The following CLMN variants were observed in gnomAD, a reference collection of about 807,000 sequenced individuals.
The protein encoded by CLMN is calmin (calponin-like, transmembrane).
A neutral mutation model predicts 92.7 loss-of-function variants in CLMN; 57 were observed. The ratio of observed to expected loss-of-function variants is 0.61; its 90% CI spans 0.50 to 0.77. CLMN has a LOEUF of 0.77. Among genes scored for constraint, CLMN ranks in the 30% least tolerant of loss-of-function variants. The pLI, the probability that CLMN is intolerant of heterozygous loss-of-function variation, is 0.00. For missense variants in CLMN, 1,158 were observed against 1,237.5 expected, an observed-to-expected ratio of 0.94 and a Z score of 0.96; for synonymous variants, 466 against 470.6, an observed-to-expected ratio of 0.99 and a Z score of 0.13.
rs745797763 is a variant in CLMN at position 95,194,395 on chromosome 14, G to A, written c.2769+141C>T. The A allele has an allele frequency of 1.9e-4, 288 of 1,519,012 alleles. No individual in the cohort carries two copies. Among genetic ancestry groups the A allele is most frequent in the Non-Finnish European group, 2.4e-4 (275 of 1,131,790 alleles). The allele number at this position is 1,519,012 out of a possible 1,614,324, so 94.1% of individuals were successfully genotyped here. Reference sequence around the variant, plus strand: ...CGATCGGACTGTGCTTAATGATAAGGTTCCAATCTGCTTGTCTTCTATCCA... The same window carrying A: ...CGATCGGACTGTGCTTAATGATAAGATTCCAATCTGCTTGTCTTCTATCCA... On this transcript the variant is annotated intron_variant, in intron 11 of 12. Coordinates refer to ENST00000298912, the MANE Select transcript of CLMN (RefSeq NM_024734.4). The surrounding 1 kb of genome is among the most constrained non-coding windows in gnomAD (Gnocchi z 4.0).
chr14:95,295,913 C>G (rs1788266154), intron 1 of CLMN, among the ~76,000 whole-genome samples: 1 of 152,246 alleles, frequency 6.6e-6, no homozygotes, highest in South Asian at 2.1e-4. Context: ...CTTGGTTTCC[C>G]TTGTTGTAAC....
chr14:95,288,416 G>A (rs988069549), intron 1 of CLMN, among the ~76,000 whole-genome samples: 1 of 152,226 alleles, frequency 6.6e-6, no homozygotes, highest in African/African-American at 2.4e-5. Context: ...CAGTGCGCTA[G>A]GCAGAGGGAA....
At chr14:95,280,942 C>T (rs1900122854) in intron 1 of CLMN, among the ~76,000 whole-genome samples, 1 of 152,154 alleles carries the variant, frequency 6.6e-6, no homozygotes, top group African/African-American at 2.4e-5. Flanking sequence ...TTTTTGTCAT[C>T]CACAGACAAT....
intron 1 of CLMN, 77 bp from the exon 2 acceptor site, chr14:95,230,210 G>A: frequency 2.3e-6 from 3 of 1,306,742 alleles, no homozygotes; most frequent in Non-Finnish European, 3.3e-6. Context: ...CCCAAGGGGA[G>A]ATTCTAGGTG....
chr14:95,217,847 A>G (rs1011962354), intron 4 of CLMN, among the ~76,000 whole-genome samples: 1 of 152,130 alleles, frequency 6.6e-6, no homozygotes. Context: ...CCATCCCAAG[A>G]GGGGAAGGGC....
chr14:95,289,519 AAAC>A (rs1366577536), intron 1 of CLMN, among the ~76,000 whole-genome samples: 2 of 143,272 alleles, frequency 1.4e-5, no homozygotes, highest in South Asian at 2.2e-4. Flanking sequence ...ACAAACAAAC[AAAC>A]AAAAAAACCG....
At chr14:95,299,200 T>TC (rs1302966683) in intron 1 of CLMN, among the ~76,000 whole-genome samples, 3 of 151,642 alleles carry the variant, frequency 2.0e-5, no homozygotes, top group Non-Finnish European at 4.4e-5. Flanking sequence ...CTTGCTGTGC[T>TC]CCCCCCAACC....
chr14:95,206,398 T>C (rs1002715868), intron 8 of CLMN, among the ~76,000 whole-genome samples: 1 of 152,146 alleles, frequency 6.6e-6, no homozygotes, highest in Non-Finnish European at 1.5e-5. Context: ...AATACTAGAA[T>C]AGCATATTAA....
chr14:95,277,339 C>T (rs112401013), intron 1 of CLMN, among the ~76,000 whole-genome samples: 5 of 152,322 alleles, frequency 3.3e-5, no homozygotes, highest in African/African-American at 1.2e-4. Context: ...AACTTTGCTG[C>T]TGCAGGTCCC....
intron 1 of CLMN, among the ~76,000 whole-genome samples, chr14:95,286,923 C>T (rs1273169662): frequency 6.6e-6 from 1 of 152,192 alleles, no homozygotes; most frequent in African/African-American, 2.4e-5. Flanking sequence ...GACAGGCAGA[C>T]CCAGGCTGTG....
intron 1 of CLMN, among the ~76,000 whole-genome samples, chr14:95,301,743 G>C (rs919571037): frequency 4.4e-4 from 67 of 152,216 alleles, no homozygotes; most frequent in African/African-American, 1.5e-3. Context: ...CCACCTACTT[G>C]AGCCTCCACC....
At position 95,291,838 on chromosome 14, in the gene CLMN, C is replaced by T. The variant is rs563852279; in HGVS notation, c.82+27873G>A. Among the ~76,000 whole-genome samples the T allele has an allele frequency of 4.6e-5, 7 of 152,234 alleles. No individual in the cohort carries two copies. In the South Asian group the frequency reaches 1.2e-3, roughly 27 times the overall value. Reference sequence around the variant, plus strand: ...AGTTAAGTCAGCCACAGAAAGAATGCGCATGCAGCCCCAAAAATGCTGGTT... The same window carrying T: ...AGTTAAGTCAGCCACAGAAAGAATGTGCATGCAGCCCCAAAAATGCTGGTT... On this transcript the variant is annotated intron_variant, in intron 1 of 12. Transcript: ENST00000298912.
chr14:95,295,450 T>C (rs1364936517), intron 1 of CLMN, among the ~76,000 whole-genome samples: 1 of 152,154 alleles, frequency 6.6e-6, no homozygotes, highest in Non-Finnish European at 1.5e-5. Flanking sequence ...GCAGTAGATA[T>C]ACTGTATGAA....
intron 1 of CLMN, among the ~76,000 whole-genome samples, chr14:95,254,249 C>A (rs532672440): frequency 6.6e-6 from 1 of 152,198 alleles, no homozygotes; most frequent in African/African-American, 2.4e-5. Context: ...AGGCCACCCC[C>A]CAAGGTCAGC....
Position 95,301,537 on chromosome 14 carries a change from G to T in CLMN, c.82+18174C>A, listed in dbSNP as rs563326107. Among the ~76,000 whole-genome samples the T allele has an allele frequency of 9.9e-5, 15 of 152,258 alleles. 1 individual carries two copies. Among genetic ancestry groups the T allele is most frequent in the African/African-American group, 3.6e-4 (15 of 41,536 alleles). On this transcript the variant is annotated intron_variant, in intron 1 of 12. Transcript: ENST00000298912. ...CAGCCAGCCTAGGCCATGTCCACAGGGTGAAATGGCTGCAAGGGAAAATGA... is the reference window on the plus strand; with the variant it reads ...CAGCCAGCCTAGGCCATGTCCACAGTGTGAAATGGCTGCAAGGGAAAATGA...
At chr14:95,205,190 C>T (rs1290800777) in intron 8 of CLMN, among the ~76,000 whole-genome samples, 2 of 152,190 alleles carry the variant, frequency 1.3e-5, no homozygotes, top group Non-Finnish European at 2.9e-5. Context: ...GACAGCTCCT[C>T]ATCTTACACA....
intron 1 of CLMN, among the ~76,000 whole-genome samples, chr14:95,244,146 A>G (rs1898369482): frequency 6.6e-6 from 1 of 152,180 alleles, no homozygotes; most frequent in Non-Finnish European, 1.5e-5. Context: ...CTGCAGAACC[A>G]TGAGCCAATT....
chr14:95,267,153 A>T (rs1218773753), intron 1 of CLMN, among the ~76,000 whole-genome samples: 1 of 152,232 alleles, frequency 6.6e-6, no homozygotes, highest in Non-Finnish European at 1.5e-5. Context: ...AAGAACAGGG[A>T]ACAAAAGAAA....
chr14:95,244,103 C>A (rs114723401), intron 1 of CLMN, among the ~76,000 whole-genome samples: 323 of 152,256 alleles, frequency 2.1e-3, no homozygotes, highest in African/African-American at 7.4e-3. Context: ...TGTAAGATTC[C>A]TGTGGCCTCC....
Sources: allele counts gnomAD v4.1 joint callset (sites outside exome capture counted in the v4.1 genomes callset), GRCh38; gene constraint gnomAD v4.1.1; non-coding constraint Gnocchi (gnomAD v3.1); transcripts MANE v1.5; gene names NCBI Gene and HGNC (gene_info 2026-07-23, HGNC 2026-07-21).